NEURL4: variants seen among roughly 807,000 people sequenced by gnomAD.
The protein encoded by NEURL4 is neuralized-like protein 4.
In NEURL4, 45 loss-of-function variants were observed where a neutral mutation model predicts 148.0. The observed-to-expected ratio is 0.30, with a 90% CI of 0.24 to 0.39. NEURL4 has a LOEUF of 0.39. NEURL4 is among the 10% of genes least tolerant of loss of function. The pLI is 1.00. For synonymous variants in NEURL4, 854 were observed against 869.0 expected (o/e 0.98, Z 0.30); for missense variants, 1,776 against 2,144.0 (o/e 0.83, Z 3.39).
At position 7,318,066 on chromosome 17, in the gene NEURL4, G is replaced by A. The variant is rs1127440; in HGVS notation, c.4059C>T (p.Pro1353=). 0.6 allele frequency: 972,852 copies of A among 1,613,644 alleles called. 298,513 individuals are homozygous for A. The highest frequency in any genetic ancestry group is 0.94 in the East Asian group (42,035 of 44,872). ...CSRFQELLLL[P]EDYFMPPPKR... is the part of the protein sequence containing the mutation. ...GTTCTGGCGGACTGTGGGACTCACC[G>A]GGAAGCAGCAGGAGTTCTTGGAAGC... The change falls in exon 25 of 29, where the codon CCC becomes CCT. Residue 1353 remains proline (P), a splice_region_variant and synonymous_variant. Transcript: ENST00000399464. The surrounding 1 kb of genome is among the most constrained non-coding windows in gnomAD (Gnocchi z 4.3).
intron 21 of NEURL4, 60 bp from the exon 22 acceptor site, chr17:7,319,268 C>A (rs929297751): frequency 2.0e-6 from 3 of 1,491,136 alleles, no homozygotes; most frequent in African/African-American, 2.8e-5. Context: ...GGCTCCGCAC[C>A]CCAGCCAGAG....
rs768666625 is a variant in NEURL4 at position 7,317,359 on chromosome 17, T to C, written c.4330A>G (p.Ile1444Val). ...RGELGAGTAS[I>V]LSCRPLKGEP... is the part of the protein sequence containing the mutation. The stretch of plus-strand genomic sequence containing the variant: ...CCCTTCAAAGGACGGCAGCTCAGGA[T>C]GGAGGCAGTACCTGGGAGGAGAACT... The change falls in exon 28 of 29, where the codon ATC becomes GTC. Residue 1444 changes from isoleucine to valine, a missense_variant. By Grantham distance (29) the Ile-to-Val change is conservative. Transcript: ENST00000399464. 6.4e-7 allele frequency: 1 copy of C among 1,569,760 alleles called. No homozygotes were observed. Among genetic ancestry groups the C allele is most frequent in the African/African-American group, 1.4e-5 (1 of 73,994 alleles).
chr17:7,329,202 A>AC lies in NEURL4; in HGVS notation c.110dup (p.Leu38SerfsTer34). The AC allele has an allele frequency of 1.9e-6, 3 of 1,568,702 alleles. No homozygotes were observed. The highest frequency in any genetic ancestry group is 2.6e-6 in the Non-Finnish European group (3 of 1,163,288). On this transcript the variant is annotated frameshift_variant, in exon 1 of 29. Coordinates refer to ENST00000399464, the MANE Select transcript of NEURL4 (RefSeq NM_032442.3). LOFTEE classifies it high-confidence loss of function. The stretch of plus-strand genomic sequence containing the variant: ...GGTGCAGTTCCCCGCCGCTGCCCAG[A>AC]CCCCCGTTGGACCCCGGTCCTGAGC...
In NEURL4 at chr17:7,317,379, A is replaced by G; in HGVS notation, c.4319-9T>C. The G allele has an allele frequency of 6.3e-7, 1 of 1,587,166 alleles. No individual in the cohort carries two copies. Among genetic ancestry groups the G allele is most frequent in the Non-Finnish European group, 8.6e-7 (1 of 1,164,826 alleles). On this transcript the variant is annotated splice_polypyrimidine_tract_variant and intron_variant, in intron 27 of 28. Transcript: ENST00000399464. ...CAGGATGGAGGCAGTACCTGGGAGG[A>G]GAACTGGGTCAGGATAGCCCTTTTT...
rs1256359683 is a variant in NEURL4 at position 7,315,704 on chromosome 17, T to C, written c.*419A>G. On this transcript the variant is annotated 3_prime_UTR_variant, in exon 29 of 29. Transcript: ENST00000399464. Reference sequence around the variant, plus strand: ...ACTGTACAGAGGCCCCCATCTTCCGTGCGCCCACCCTTCCCCACTCCCGCC... The same window carrying C: ...ACTGTACAGAGGCCCCCATCTTCCGCGCGCCCACCCTTCCCCACTCCCGCC... 5 of 453,396 alleles carry C rather than the reference T, an allele frequency of 1.1e-5. No homozygotes were observed. The highest frequency in any genetic ancestry group is 1.9e-5 in the Non-Finnish European group (5 of 257,352). The allele number at this position is 453,396 out of a possible 1,614,324, so 28.1% of individuals were successfully genotyped here.
Position 7,326,165 on chromosome 17 carries a change from C to T in NEURL4, c.1293+90G>A, listed in dbSNP as rs984508401. On this transcript the variant is annotated intron_variant, in intron 6 of 28. Transcript: ENST00000399464. This position sits in a 1 kb window ranked among gnomAD's most constrained non-coding sequence, Gnocchi z 6.0. ...AGATACAGGGACTGCCTCTAGGTCA[C>T]ATAGGAGACCCTGCTTGGTGCCCTG... The T allele has an allele frequency of 2.4e-6, 3 of 1,254,208 alleles. No individual in the cohort carries two copies. In the African/African-American group the frequency reaches 4.4e-5, roughly 19 times the overall value. The allele number at this position is 1,254,208 out of a possible 1,614,324, so 77.7% of individuals were successfully genotyped here.
rs2143012422 is a variant in NEURL4 at position 7,321,892 on chromosome 17, C to T, written c.2844G>A (p.Lys948=). The T allele has an allele frequency of 6.2e-7, 1 of 1,614,014 alleles. No homozygotes were observed. The highest frequency in any genetic ancestry group is 8.5e-7 in the Non-Finnish European group (1 of 1,179,992). The change falls in exon 17 of 29, where the codon AAG becomes AAA. Residue 948 remains lysine, a synonymous_variant. Transcript: ENST00000399464. The surrounding 1 kb of genome is among the most constrained non-coding windows in gnomAD (Gnocchi z 6.3). ...CAAAGACTTCCTCAGCCCTCAGCTC[C>T]TTGGTACTGAAGACAAGGCCATGAG... ...GYAHGLVFST[K]ELRAEEVFEV...
chr17:7,320,755 C>A lies in NEURL4; in HGVS notation c.3525+4G>T. 1.2e-6 allele frequency: 2 copies of A among 1,611,364 alleles called. No individual in the cohort carries two copies. Among genetic ancestry groups the A allele is most frequent in the Non-Finnish European group, 8.5e-7 (1 of 1,178,354 alleles). ...GAAGCTGGGGATAGGGAGGGAGAAC[C>A]CACCTGCACCAGCAGCTGGGGCACC... is the stretch of plus-strand genomic sequence containing the variant. On this transcript the variant is annotated splice_donor_region_variant and intron_variant, in intron 21 of 28. Transcript: ENST00000399464.
At chr17:7,317,625 T>C (rs772171989) in intron 26 of NEURL4, 52 bp from the exon 27 acceptor site, 46 of 1,577,166 alleles carry the variant, frequency 2.9e-5, no homozygotes, top group Non-Finnish European at 3.8e-5. Flanking sequence ...GACTCCCCAG[T>C]GGAGGAGCTT....
chr17:7,326,404 G>A lies in NEURL4; in HGVS notation c.1204+33C>T. ...GCTTCCTTCCCCTCAGCAACACCAG[G>A]CCTGCACCCCCGCCCCTGCCCGGGG... On this transcript the variant is annotated intron_variant, in intron 5 of 28. Coordinates refer to ENST00000399464, the MANE Select transcript of NEURL4 (RefSeq NM_032442.3). This position sits in a 1 kb window ranked among gnomAD's most constrained non-coding sequence, Gnocchi z 6.0. 6.2e-7 allele frequency: 1 copy of A among 1,613,202 alleles called. No individual in the cohort carries two copies. Among genetic ancestry groups the A allele is most frequent in the Non-Finnish European group, 8.5e-7 (1 of 1,179,196 alleles).
Position 7,324,575 on chromosome 17 carries a change from C to T in NEURL4, c.1814-95G>A. 8.1e-7 allele frequency: 1 copy of T among 1,240,032 alleles called. No individual in the cohort carries two copies. Among genetic ancestry groups the T allele is most frequent in the South Asian group, 1.2e-5 (1 of 80,264 alleles). The allele number at this position is 1,240,032 out of a possible 1,614,324, so 76.8% of individuals were successfully genotyped here. On this transcript the variant is annotated intron_variant, in intron 9 of 28. Transcript: ENST00000399464. The surrounding 1 kb of genome is among the most constrained non-coding windows in gnomAD (Gnocchi z 5.9). Reference sequence around the variant, plus strand: ...CCACAGGACTCCCGAGCCCACAGTCCACCTTGCCTTTTCTTTGATGACTAG... The same window carrying T: ...CCACAGGACTCCCGAGCCCACAGTCTACCTTGCCTTTTCTTTGATGACTAG...
At position 7,322,599 on chromosome 17, in the gene NEURL4, G is replaced by A. The variant is rs1430873305; in HGVS notation, c.2725+136C>T. ...TCCCCCTCACTGGCTGCTTGCCACC[G>A]TGGGCTGTCCCTTCCCTGGAGCCGG... is the stretch of plus-strand genomic sequence containing the variant. On this transcript the variant is annotated intron_variant, in intron 16 of 28. Transcript: ENST00000399464. The surrounding 1 kb of genome is among the most constrained non-coding windows in gnomAD (Gnocchi z 5.5). 1.8e-5 allele frequency: 21 copies of A among 1,153,882 alleles called. No individual in the cohort carries two copies. The highest frequency in any genetic ancestry group is 5.5e-5 in the South Asian group (4 of 72,336). The allele number at this position is 1,153,882 out of a possible 1,614,324, so 71.5% of individuals were successfully genotyped here.
intron 21 of NEURL4, 120 bp downstream of exon 21, chr17:7,320,639 A>G: frequency 1.2e-6 from 1 of 851,620 alleles, no homozygotes; most frequent in South Asian, 1.7e-5. Context: ...ATAAAAGCCT[A>G]GGAAGCTCAT....
In NEURL4 at chr17:7,326,830, C is replaced by A; in HGVS notation, c.973G>T (p.Gly325Trp). 6.2e-7 allele frequency: 1 copy of A among 1,613,806 alleles called. No individual in the cohort carries two copies. The highest frequency in any genetic ancestry group is 8.5e-7 in the Non-Finnish European group (1 of 1,179,948). The change falls in exon 4 of 29, where the codon GGG becomes TGG. Residue 325 changes from glycine to tryptophan, a missense_variant. Gly to Trp is a radical substitution (Grantham distance 184). Transcript: ENST00000399464. The surrounding 1 kb of genome is among the most constrained non-coding windows in gnomAD (Gnocchi z 6.0). The part of the protein sequence containing the change: ...NDALLFHEKC[G>W]TLIKLSNNNK... The stretch of plus-strand genomic sequence containing the variant: ...TTGTTGCTGAGTTTGATGAGGGTCC[C>A]GCACTTTTCATGAAAGAGCAGGGCA...
chr17:7,326,375 CG>C lies in NEURL4; in HGVS notation c.1205-33del, dbSNP rs765576209. 24 of 1,613,842 alleles carry C rather than the reference CG, an allele frequency of 1.5e-5. No individual in the cohort carries two copies. Among genetic ancestry groups the C allele is most frequent in the Non-Finnish European group, 1.9e-5 (23 of 1,179,770 alleles). ...GATAGTGGACACTTGGGTTCGGGTA[CG>C]GGGCTTCCTTCCCCTCAGCAACACC... On this transcript the variant is annotated intron_variant, in intron 5 of 28. Coordinates refer to ENST00000399464, the MANE Select transcript of NEURL4 (RefSeq NM_032442.3). The surrounding 1 kb of genome is among the most constrained non-coding windows in gnomAD (Gnocchi z 6.0).
Position 7,318,747 on chromosome 17 carries a change from T to A in NEURL4, c.3685-73A>T, listed in dbSNP as rs1597630608. ...CAGCTGTCCCGCCCTTTGCTCTGCT[T>A]CCTTTTGCCAGTGCCTTGGCTTTGC... On this transcript the variant is annotated intron_variant, in intron 22 of 28. Coordinates refer to ENST00000399464, the MANE Select transcript of NEURL4 (RefSeq NM_032442.3). This position sits in a 1 kb window ranked among gnomAD's most constrained non-coding sequence, Gnocchi z 4.3. The A allele has an allele frequency of 6.7e-7, 1 of 1,485,520 alleles. No homozygotes were observed. The highest frequency in any genetic ancestry group is 2.3e-5 in the East Asian group (1 of 43,006). 92.0% of individuals were successfully genotyped at this position (1,485,520 alleles called of 1,614,324 possible). A position where few individuals can be genotyped will look rare whatever the true frequency, so the allele number is the denominator to read the frequency against.
rs781620119 is a variant in NEURL4, at chr17:7,318,085, T to C, written c.4040A>G (p.Gln1347Arg). 1.9e-6 allele frequency: 3 copies of C among 1,614,144 alleles called. No individual in the cohort carries two copies. The Admixed American group carries it at 5.0e-5, about 27-fold the overall frequency. ...CEYHALCSRF[Q>R]ELLLLPEDYF... is the part of the protein sequence containing the mutation. ...CTCACCGGGAAGCAGCAGGAGTTCT[T>C]GGAAGCGAGAGCAAAGGGCATGGTA... Residue 1347 changes from glutamine to arginine, a missense_variant, in exon 25 of 29, where the codon CAA becomes CGA. Coordinates refer to ENST00000399464, the MANE Select transcript of NEURL4 (RefSeq NM_032442.3). This position sits in a 1 kb window ranked among gnomAD's most constrained non-coding sequence, Gnocchi z 4.3.
At chr17:7,319,247 G>A (rs2072993579) in intron 21 of NEURL4, 39 bp from the exon 22 acceptor site, 1 of 1,569,174 alleles carries the variant, frequency 6.4e-7, no homozygotes, top group South Asian at 1.2e-5. Context: ...ACAGCCTCCT[G>A]GGAAGAACCA....
chr17:7,325,162 C>CCCCCCCCCCCCCT, intron 8 of NEURL4, 47 bp downstream of exon 8: 2 of 748,832 alleles, frequency 2.7e-6, no homozygotes, highest in Non-Finnish European at 4.3e-6. Flanking sequence ...CCCCCCCCCC[C>CCCCCCCCCCCCCT]CATTAGAATC....
Sources: gnomAD v4.1 joint callset for allele counts on GRCh38, gnomAD v4.1.1 for gene constraint, Gnocchi (gnomAD v3.1) non-coding constraint, MANE v1.5 for transcripts, NCBI Gene and HGNC (gene_info 2026-07-23, HGNC 2026-07-21) for gene names.